The following TTC28 variants were observed in gnomAD, a reference collection of about 807,000 sequenced individuals.
TTC28 encodes the protein tetratricopeptide repeat domain 28.
In TTC28, 61 loss-of-function variants were observed where a neutral mutation model predicts 198.0. The observed-to-expected ratio is 0.31, with a 90% CI of 0.25 to 0.38. The LOEUF (loss-of-function observed/expected upper bound fraction) is 0.38. TTC28 is among the 10% of genes least tolerant of loss of function. TTC28 has a pLI of 1.00. For missense variants in TTC28, 2,678 were observed against 3,164.0 expected (o/e 0.85, Z 3.69); for synonymous variants, 1,171 against 1,297.8 (o/e 0.90, Z 2.10).
chr22:28,148,032 G>C (rs1420643204), intron 6 of TTC28, among the ~76,000 whole-genome samples: 1 of 152,142 alleles, frequency 6.6e-6, no homozygotes, highest in Non-Finnish European at 1.5e-5. Context: ...ATAAATATTA[G>C]GGTTCTTCAA....
chr22:28,569,379 T>C (rs2146021799), intron 2 of TTC28, among the ~76,000 whole-genome samples: 1 of 151,910 alleles, frequency 6.6e-6, no homozygotes, highest in African/African-American at 2.4e-5. Flanking sequence ...ATGGAGCAGG[T>C]TAGAGAATCC....
chr22:28,532,853 A>C (rs1157687111), intron 2 of TTC28, among the ~76,000 whole-genome samples: 1 of 152,228 alleles, frequency 6.6e-6, no homozygotes, highest in Non-Finnish European at 1.5e-5. Flanking sequence ...GACAAAATTC[A>C]AGAGTGCTTC....
At chr22:28,031,942 C>T (rs1285903098) in intron 12 of TTC28, among the ~76,000 whole-genome samples, 1 of 151,670 alleles carries the variant, frequency 6.6e-6, no homozygotes, top group Non-Finnish European at 1.5e-5. Flanking sequence ...GCTCTTTCTG[C>T]ACTGTCACCA....
chr22:28,590,128 A>T (rs1339154460), intron 2 of TTC28, among the ~76,000 whole-genome samples: 28 of 135,150 alleles, frequency 2.1e-4, no homozygotes, highest in African/African-American at 7.3e-4. Flanking sequence ...CAATTTCTAA[A>T]TTTTTTTTTT....
At chr22:28,039,071 A>G (rs111906726) in intron 12 of TTC28, among the ~76,000 whole-genome samples, 4 of 152,190 alleles carry the variant, frequency 2.6e-5, no homozygotes, top group African/African-American at 4.8e-5. Flanking sequence ...CACTGTTGGT[A>G]GGACTGTAAA....
At chr22:28,594,276 GTAAT>G (rs1569047351) in intron 2 of TTC28, among the ~76,000 whole-genome samples, 3 of 148,560 alleles carry the variant, frequency 2.0e-5, no homozygotes, top group Admixed American at 6.7e-5. Flanking sequence ...AATATAAGAA[GTAAT>G]TAATTATATT....
At chr22:28,447,840 T>C (rs1418168611) in intron 2 of TTC28, among the ~76,000 whole-genome samples, 1 of 152,226 alleles carries the variant, frequency 6.6e-6, no homozygotes, top group African/African-American at 2.4e-5. Flanking sequence ...TTTGGGTCGC[T>C]TATTTGTGAT....
intron 2 of TTC28, among the ~76,000 whole-genome samples, chr22:28,431,552 GTTAAC>G (rs943211791): frequency 2.6e-5 from 4 of 152,116 alleles, no homozygotes; most frequent in South Asian, 2.1e-4. Context: ...TCAATAATCT[GTTAAC>G]TTAAGATCCC....
Position 28,118,372 on chromosome 22 carries a change from C to T in TTC28, c.1442-9969G>A, listed in dbSNP as rs543781224. 7.9e-5 allele frequency among the ~76,000 whole-genome samples: 12 copies of T among 151,838 alleles called. No individual in the cohort carries two copies. The South Asian group carries it at 2.5e-3, about 32-fold the overall frequency. On this transcript the variant is annotated intron_variant, in intron 6 of 22. Transcript: ENST00000397906. ...CGAGATCACGCCACTGCACTCCAGC[C>T]TGGGTGACAGAGCAAGACTGCATCT...
chr22:28,023,864 C>T (rs544498536), intron 13 of TTC28, among the ~76,000 whole-genome samples: 2 of 152,274 alleles, frequency 1.3e-5, no homozygotes, highest in South Asian at 4.1e-4. Context: ...CTAACTTAAC[C>T]TCTCTAAGCC....
At chr22:28,427,365 G>A (rs1180133701) in intron 2 of TTC28, among the ~76,000 whole-genome samples, 1 of 151,908 alleles carries the variant, frequency 6.6e-6, no homozygotes, top group Non-Finnish European at 1.5e-5. Context: ...ACTGTAAGAG[G>A]AAAAAAGGCC....
At chr22:28,598,128 G>A (rs891867950) in intron 2 of TTC28, among the ~76,000 whole-genome samples, 4 of 152,002 alleles carry the variant, frequency 2.6e-5, no homozygotes, top group African/African-American at 7.2e-5. Flanking sequence ...ATCGTTTTCC[G>A]TAAAACAGGG....
chr22:28,654,607 C>T (rs1205153714), intron 1 of TTC28, among the ~76,000 whole-genome samples: 3 of 152,184 alleles, frequency 2.0e-5, no homozygotes, highest in Non-Finnish European at 2.9e-5. Context: ...GGATTACAGG[C>T]GTGAGCCACC....
chr22:28,231,162 G>T (rs1928772555), intron 5 of TTC28, among the ~76,000 whole-genome samples: 1 of 152,124 alleles, frequency 6.6e-6, no homozygotes, highest in African/African-American at 2.4e-5. Context: ...AAGAGAAGCT[G>T]GAAGGTGGGA....
intron 1 of TTC28, among the ~76,000 whole-genome samples, chr22:28,660,152 C>T (rs1217103178): frequency 6.6e-6 from 1 of 152,150 alleles, no homozygotes; most frequent in Non-Finnish European, 1.5e-5. Flanking sequence ...ATCTTTATTT[C>T]ACAAACCTGG....
chr22:28,022,099 T>C (rs183107765), intron 13 of TTC28, among the ~76,000 whole-genome samples: 112 of 152,324 alleles, frequency 7.4e-4, no homozygotes, highest in Middle Eastern at 3.4e-3. Context: ...CTCCATGCAG[T>C]CAGGCAGCAG....
rs952424637 is a variant in TTC28 at position 27,998,758 on chromosome 22, G to A, written c.4901C>T (p.Thr1634Ile). ...GSSQESNSKV[T>I]ADGVIALTRA... ...TGTCAGCGCGATGACCCCGTCGGCT[G>A]TGACTTTGCTGTTGGACTCCTGGGA... The change falls in exon 16 of 23, where the codon ACA (threonine) becomes ATA (isoleucine). Residue 1634 changes from threonine to isoleucine, a missense_variant. Physicochemically the swap from Thr to Ile is moderately conservative, Grantham distance 89. Around this residue, in one of 8 missense-constraint regions of TTC28, gnomAD observed 727 missense variants for 861.9 expected, o/e 0.84. Coordinates refer to ENST00000397906, the MANE Select transcript of TTC28 (RefSeq NM_001145418.2). 3 of 1,550,762 alleles carry A rather than the reference G, an allele frequency of 1.9e-6. No homozygotes were observed. The highest frequency in any genetic ancestry group is 2.7e-5 in the African/African-American group (2 of 73,188).
chr22:28,630,660 G>A (rs1384893753), intron 1 of TTC28, among the ~76,000 whole-genome samples: 1 of 152,060 alleles, frequency 6.6e-6, no homozygotes, highest in East Asian at 1.9e-4. Context: ...GACATCATCT[G>A]AACCTCAATA....
At chr22:28,474,833 T>C (rs1437258611) in intron 2 of TTC28, among the ~76,000 whole-genome samples, 3 of 152,154 alleles carry the variant, frequency 2.0e-5, no homozygotes, top group East Asian at 3.8e-4. Context: ...GAATGACAGA[T>C]GTTTTCTGGA....
Sources: allele counts gnomAD v4.1 joint callset (sites outside exome capture counted in the v4.1 genomes callset), GRCh38; gene constraint gnomAD v4.1.1; regional missense constraint gnomAD v4.1.1; transcripts MANE v1.5; gene names NCBI Gene and HGNC (gene_info 2026-07-23, HGNC 2026-07-21).